Variants in EDIL3 observed in about 807,000 individuals in gnomAD.
EDIL3 encodes the protein EGF-like repeat and discoidin I-like domain-containing protein 3.
EDIL3 carries 37 observed loss-of-function variants against 67.4 expected under a neutral mutation model. The ratio of observed to expected loss-of-function variants is 0.55; its 90% CI spans 0.42 to 0.72. EDIL3 has a LOEUF of 0.72. EDIL3 is among the 30% of genes least tolerant of loss of function. EDIL3 has a pLI of 0.00. For synonymous variants in EDIL3, 195 were observed against 196.3 expected (o/e 0.99, Z 0.05); for missense variants, 527 against 586.3 (o/e 0.90, Z 1.04).
intron 9 of EDIL3, 83 bp downstream of exon 9, chr5:84,060,217 C>T (rs1385403274): frequency 6.0e-6 from 9 of 1,491,818 alleles, no homozygotes; most frequent in Non-Finnish European, 6.3e-6. Flanking sequence ...GTGAAGGTAA[C>T]GACTCTGACA....
At position 84,053,149 on chromosome 5, in the gene EDIL3, T is replaced by G. The variant is rs576546184; in HGVS notation, c.1137+7151A>C. ...CAATCAAACTAGAACTCAGGATTAA[T>G]AAACTCACTCAAAACCACTCAACTA... On this transcript the variant is annotated intron_variant, in intron 9 of 10. Transcript: ENST00000296591. Among the ~76,000 whole-genome samples, 143 of 152,210 alleles carry G rather than the reference T, an allele frequency of 9.4e-4. 1 individual carries two copies. The South Asian group carries it at 0.024, about 25-fold the overall frequency.
At chr5:84,363,051 G>T (rs1477022067) in intron 1 of EDIL3, among the ~76,000 whole-genome samples, 2 of 151,864 alleles carry the variant, frequency 1.3e-5, no homozygotes, top group Non-Finnish European at 2.9e-5. Context: ...GTAATTTAAT[G>T]TATTTATTCT....
intron 9 of EDIL3, among the ~76,000 whole-genome samples, chr5:84,057,027 C>T (rs1746460784): frequency 6.6e-6 from 1 of 152,002 alleles, no homozygotes; most frequent in Non-Finnish European, 1.5e-5. Context: ...AGTCACAATT[C>T]TGGGCCTTTT....
chr5:84,228,412 A>C (rs966551806), intron 3 of EDIL3, among the ~76,000 whole-genome samples: 2 of 152,164 alleles, frequency 1.3e-5, no homozygotes, highest in Admixed American at 1.3e-4. Flanking sequence ...AAGTCAGGGC[A>C]AACAGAAAGC....
intron 9 of EDIL3, among the ~76,000 whole-genome samples, chr5:84,013,941 A>T (rs190105052): frequency 6.6e-6 from 1 of 152,264 alleles, no homozygotes. Flanking sequence ...ATTGAAAGCT[A>T]GTTTTTTTGT....
intron 9 of EDIL3, among the ~76,000 whole-genome samples, chr5:84,014,784 G>A (rs1745571811): frequency 6.6e-6 from 1 of 152,080 alleles, no homozygotes; most frequent in Non-Finnish European, 1.5e-5. Flanking sequence ...GAAAATAAAA[G>A]AAAAACTAGC....
chr5:84,123,689 T>C (rs1747816805), intron 5 of EDIL3, among the ~76,000 whole-genome samples: 1 of 151,912 alleles, frequency 6.6e-6, no homozygotes, highest in Non-Finnish European at 1.5e-5. Flanking sequence ...TCTCTAGTAC[T>C]TTATTGTTAA....
At chr5:84,369,233 C>CATAT (rs61649928) in intron 1 of EDIL3, among the ~76,000 whole-genome samples, 67,147 of 150,382 alleles carry the variant, frequency 0.45, 15,257 homozygotes, top group Middle Eastern at 0.53. Flanking sequence ...TATATATAAA[C>CATAT]ATACACACAC....
At chr5:84,038,467 T>C (rs1236171403) in intron 9 of EDIL3, among the ~76,000 whole-genome samples, 1 of 152,192 alleles carries the variant, frequency 6.6e-6, no homozygotes, top group African/African-American at 2.4e-5. Flanking sequence ...TTAAATCCTT[T>C]TTACATGGAA....
rs1561453863 is a variant in EDIL3 at position 84,176,221 on chromosome 5, ATATAT to A, written c.355+4167_355+4171del. 1.5e-4 allele frequency among the ~76,000 whole-genome samples: 20 copies of A among 129,850 alleles called. 1 individual carries two copies. The highest frequency in any genetic ancestry group is 5.3e-4 in the African/African-American group (18 of 33,692). 85.2% of individuals were successfully genotyped at this position (129,850 alleles called of 152,430 possible). On this transcript the variant is annotated intron_variant, in intron 4 of 10. Transcript: ENST00000296591. ...ATAATATATATATATATATATATATATATATAATATATTGTATGTATAATATATTG... is the reference window on the plus strand; with the variant it reads ...ATAATATATATATATATATATATATAAATATATTGTATGTATAATATATTG...
chr5:84,051,058 C>A (rs1746327352), intron 9 of EDIL3, among the ~76,000 whole-genome samples: 1 of 152,262 alleles, frequency 6.6e-6, no homozygotes, highest in East Asian at 1.9e-4. Context: ...CTGGGAGGCA[C>A]CCCCCAGTAG....
chr5:84,243,347 A>G (rs1744836041), intron 2 of EDIL3, among the ~76,000 whole-genome samples: 1 of 152,222 alleles, frequency 6.6e-6, no homozygotes, highest in South Asian at 2.1e-4. Context: ...AAGTAATGAA[A>G]TCTAACCTTG....
At chr5:84,008,235 G>A (rs975137613) in intron 9 of EDIL3, among the ~76,000 whole-genome samples, 6 of 152,072 alleles carry the variant, frequency 3.9e-5, no homozygotes, top group Admixed American at 2.6e-4. Flanking sequence ...ACAACAGGGT[G>A]ACTACAGTCA....
chr5:84,293,066 C>T (rs747058898), intron 1 of EDIL3, among the ~76,000 whole-genome samples: 4 of 152,274 alleles, frequency 2.6e-5, no homozygotes, highest in Middle Eastern at 3.4e-3. Context: ...AAACTTTCTT[C>T]CCTTTTATGG....
chr5:84,138,023 C>T lies in EDIL3; in HGVS notation c.356-669G>A, dbSNP rs3776915. On this transcript the variant is annotated intron_variant, in intron 4 of 10. Coordinates refer to ENST00000296591, the MANE Select transcript of EDIL3 (RefSeq NM_005711.5). ...AACATAAAACATCGAGCAAATTATA[C>T]TACTTTCCTTGCTAATTTTGGACAA... is the stretch of plus-strand genomic sequence containing the variant. 4.2e-4 allele frequency among the ~76,000 whole-genome samples: 64 copies of T among 152,324 alleles called. 1 individual carries two copies. The East Asian group carries it at 0.012, about 28-fold the overall frequency.
rs114780924 is a variant in EDIL3 at position 84,115,629 on chromosome 5, T to C, written c.470-8799A>G. Among the ~76,000 whole-genome samples, 346 of 152,318 alleles carry C rather than the reference T, an allele frequency of 2.3e-3. 2 individuals carry two copies. The highest frequency in any genetic ancestry group is 7.9e-3 in the African/African-American group (328 of 41,590). ...TGCTGTAGGACAACAGAAGAGTTCATTGTAGTTTGCTTAAGATGTATTCTT... is the reference window on the plus strand; with the variant it reads ...TGCTGTAGGACAACAGAAGAGTTCACTGTAGTTTGCTTAAGATGTATTCTT... On this transcript the variant is annotated intron_variant, in intron 5 of 10. Coordinates refer to ENST00000296591, the MANE Select transcript of EDIL3 (RefSeq NM_005711.5).
At chr5:84,219,859 A>G (rs1316130739) in intron 3 of EDIL3, among the ~76,000 whole-genome samples, 1 of 152,176 alleles carries the variant, frequency 6.6e-6, no homozygotes, top group African/African-American at 2.4e-5. Context: ...AATAAGCCAG[A>G]CACAGAAAGA....
intron 9 of EDIL3, among the ~76,000 whole-genome samples, chr5:84,054,594 A>G: frequency 6.6e-6 from 1 of 152,116 alleles, no homozygotes; most frequent in East Asian, 1.9e-4. Context: ...TTAAGCTGAT[A>G]AGCAACTTCA....
At chr5:84,365,391 C>T (rs1336034002) in intron 1 of EDIL3, among the ~76,000 whole-genome samples, 2 of 152,062 alleles carry the variant, frequency 1.3e-5, no homozygotes, top group East Asian at 1.9e-4. Flanking sequence ...AAAAATCTTC[C>T]TTTTATACCA....
Sources: gnomAD v4.1 joint callset for allele counts (sites outside exome capture counted in the v4.1 genomes callset) on GRCh38, gnomAD v4.1.1 for gene constraint, MANE v1.5 for transcripts, NCBI Gene and HGNC (gene_info 2026-07-23, HGNC 2026-07-21) for gene names.